Variants in PLAC8 observed in about 807,000 individuals in gnomAD.
PLAC8 encodes placenta-specific gene 8 protein.
In PLAC8, 6 loss-of-function variants were observed where a neutral mutation model predicts 12.6. The observed-to-expected ratio is 0.48, with a 90% CI of 0.26 to 0.94. PLAC8 has a LOEUF of 0.94. Among genes scored for constraint, PLAC8 ranks in the 40% least tolerant of loss-of-function variants. PLAC8 has a pLI of 0.14. For synonymous variants in PLAC8, 54 were observed against 52.6 expected, an observed-to-expected ratio of 1.03 and a Z score of -0.11; for missense variants, 122 against 152.7, an observed-to-expected ratio of 0.80 and a Z score of 1.06.
chr4:83,105,972 CTGAG>C (rs1401251905), intron 2 of PLAC8, among the ~76,000 whole-genome samples: 4 of 152,002 alleles, frequency 2.6e-5, no homozygotes, highest in Admixed American at 6.6e-5. Flanking sequence ...TGCTATGCTA[CTGAG>C]TGTGTAATTC....
At chr4:83,112,836 A>G (rs567003516) in intron 1 of PLAC8, among the ~76,000 whole-genome samples, 2 of 152,360 alleles carry the variant, frequency 1.3e-5, no homozygotes, top group African/African-American at 4.8e-5. Flanking sequence ...TGCTTCAGCC[A>G]TGAAGTCTTT....
chr4:83,103,731 C>T (rs1211149839), intron 3 of PLAC8, among the ~76,000 whole-genome samples: 6 of 152,202 alleles, frequency 3.9e-5, no homozygotes, highest in South Asian at 2.1e-4. Flanking sequence ...AGTGCTGAGG[C>T]GCAATCTGGG....
In PLAC8 at chr4:83,098,918, A is replaced by T. The variant is rs569250811; in HGVS notation, c.244-4127T>A. ...TAGATATTAGGTCCTCTAAAGTCTCAAAATGGCTTATTTGGTACAAAAATC... is the reference window on the plus strand; with the variant it reads ...TAGATATTAGGTCCTCTAAAGTCTCTAAATGGCTTATTTGGTACAAAAATC... On this transcript the variant is annotated intron_variant, in intron 3 of 4. Coordinates refer to ENST00000311507, the MANE Select transcript of PLAC8 (RefSeq NM_016619.3). Among the ~76,000 whole-genome samples, 8 of 152,268 alleles carry T rather than the reference A, an allele frequency of 5.3e-5. No individual in the cohort carries two copies. In the East Asian group the frequency reaches 1.5e-3, roughly 29 times the overall value.
chr4:83,107,213 A>C lies in PLAC8; in HGVS notation c.118+591T>G, dbSNP rs557896002. ...GAGACTTCGTCTCAAAAACAAACAA[A>C]AAAAAAAAACAAAAAAAAAAACAAA... On this transcript the variant is annotated intron_variant, in intron 2 of 4. Coordinates refer to ENST00000311507, the MANE Select transcript of PLAC8 (RefSeq NM_016619.3). Among the ~76,000 whole-genome samples, 382 of 125,984 alleles carry C rather than the reference A, an allele frequency of 3.0e-3. 6 individuals carry two copies. Among genetic ancestry groups the C allele is most frequent in the African/African-American group, 0.011 (369 of 32,932 alleles). The allele number at this position is 125,984 out of a possible 152,430, so 82.7% of individuals were successfully genotyped here.
chr4:83,107,704 G>A (rs11943790), intron 2 of PLAC8, 100 bp downstream of exon 2: 1 of 293,068 alleles, frequency 3.4e-6, no homozygotes, highest in African/African-American at 2.8e-5. Flanking sequence ...TAATAAGTTA[G>A]AAACTTTTTC....
chr4:83,094,547 T>G, intron 4 of PLAC8, 131 bp downstream of exon 4: 1 of 595,698 alleles, frequency 1.7e-6, no homozygotes, highest in Non-Finnish European at 3.0e-6. Flanking sequence ...ATCTTGATAT[T>G]ATGATAGCAC....
intron 2 of PLAC8, among the ~76,000 whole-genome samples, chr4:83,107,220 A>AC (rs70946972): frequency 0.35 from 51,388 of 148,180 alleles, 9,424 homozygotes; most frequent in Middle Eastern, 0.44. Context: ...CAAAAAAAAA[A>AC]AACAAAAAAA....
intron 2 of PLAC8, among the ~76,000 whole-genome samples, chr4:83,106,339 C>T (rs748956424): frequency 5.3e-5 from 8 of 151,988 alleles, no homozygotes; most frequent in Admixed American, 1.3e-4. Context: ...AATTTCAGGC[C>T]AGGTATGGTG....
chr4:83,114,452 C>T (rs1732487198), intron 1 of PLAC8, among the ~76,000 whole-genome samples: 1 of 152,120 alleles, frequency 6.6e-6, no homozygotes, highest in South Asian at 2.1e-4. Flanking sequence ...CTTTGAAAAG[C>T]CTGGCATTTG....
At chr4:83,100,892 T>G (rs1467196218) in intron 3 of PLAC8, among the ~76,000 whole-genome samples, 1 of 152,176 alleles carries the variant, frequency 6.6e-6, no homozygotes, top group African/African-American at 2.4e-5. Flanking sequence ...GAAAAGTTCT[T>G]GAAGGAAATT....
intron 2 of PLAC8, among the ~76,000 whole-genome samples, chr4:83,106,887 T>A (rs1376592919): frequency 6.6e-6 from 1 of 152,130 alleles, no homozygotes; most frequent in East Asian, 1.9e-4. Flanking sequence ...AAGTAAGAGA[T>A]CTTTTAAGGA....
chr4:83,094,774 G>A lies in PLAC8; in HGVS notation c.261C>T (p.Asp87=). 2 of 1,586,468 alleles carry A rather than the reference G, an allele frequency of 1.3e-6. No homozygotes were observed. Among genetic ancestry groups the A allele is most frequent in the Admixed American group, 3.6e-5 (2 of 56,186 alleles). The change falls in exon 4 of 5, where the codon GAC becomes GAT. Residue 87 remains aspartate, a synonymous_variant. Transcript: ENST00000311507. The stretch of plus-strand genomic sequence containing the variant: ...GAGGACAGCAAAGAGTTGCCATATA[G>A]TCATCACAAATAGATCCCTGTTTGA... ...RYGIPGSICD[D]YMATLCCPHC...
intron 2 of PLAC8, among the ~76,000 whole-genome samples, chr4:83,106,286 A>AGGTGTAATC (rs1236525076): frequency 6.6e-6 from 1 of 151,742 alleles, no homozygotes; most frequent in African/African-American, 2.4e-5. Flanking sequence ...GGTGTGAGCC[A>AGGTGTAATC]CCACGCCCAG....
intron 2 of PLAC8, among the ~76,000 whole-genome samples, 184 bp downstream of exon 2, chr4:83,107,620 C>CTTTTTTTTT (rs70946974): frequency 0.04 from 553 of 13,852 alleles, 258 homozygotes; most frequent in Middle Eastern, 0.33. Context: ...CATACGGAGG[C>CTTTTTTTTT]TTTTTTTTTT....
At chr4:83,112,198 ATATATGTATATATATATATG>A (rs1258769022) in intron 1 of PLAC8, among the ~76,000 whole-genome samples, 235 of 18,908 alleles carry the variant, frequency 0.012, 4 homozygotes, top group African/African-American at 0.03. Flanking sequence ...TTATATATAT[ATATATGTATATATATATATG>A]TATATATATA....
At chr4:83,097,330 A>C (rs563890850) in intron 3 of PLAC8, among the ~76,000 whole-genome samples, 8 of 152,146 alleles carry the variant, frequency 5.3e-5, no homozygotes, top group Non-Finnish European at 8.8e-5. Context: ...TAAATAAAAT[A>C]TTTTGTCAGA....
chr4:83,097,858 G>C (rs950187007), intron 3 of PLAC8, among the ~76,000 whole-genome samples: 6 of 123,686 alleles, frequency 4.9e-5, no homozygotes, highest in African/African-American at 1.6e-4. Context: ...CTAGTTTTGA[G>C]GGTTTTTTTT....
At chr4:83,097,442 T>C (rs1254641435) in intron 3 of PLAC8, among the ~76,000 whole-genome samples, 1 of 152,194 alleles carries the variant, frequency 6.6e-6, no homozygotes, top group African/African-American at 2.4e-5. Context: ...GTCTTGAAAA[T>C]GTAGACATTT....
intron 4 of PLAC8, chr4:83,092,989 G>T (rs1487752175): frequency 6.6e-6 from 1 of 151,592 alleles, no homozygotes; most frequent in African/African-American, 2.4e-5. Flanking sequence ...AAGAGACAGG[G>T]TTTCAACATG....
Sources: allele counts gnomAD v4.1 joint callset (sites outside exome capture counted in the v4.1 genomes callset), GRCh38; gene constraint gnomAD v4.1.1; transcripts MANE v1.5; gene names NCBI Gene and HGNC (gene_info 2026-07-23, HGNC 2026-07-21).